The following FOXK1 variants were observed in gnomAD, a reference collection of about 807,000 sequenced individuals.
FOXK1 encodes forkhead box K1, also known as forkhead box protein K1.
A neutral mutation model predicts 51.9 loss-of-function variants in FOXK1; 19 were observed. The observed-to-expected ratio is 0.37, with a 90% CI of 0.26 to 0.54. The LOEUF is 0.54. Ranked by LOEUF, FOXK1 falls within the 20% of genes least tolerant of loss-of-function variation. The pLI is 0.87. For missense variants in FOXK1, 870 were observed against 1,032.7 expected, an observed-to-expected ratio of 0.84 and a Z score of 2.16; for synonymous variants, 537 against 482.6, an observed-to-expected ratio of 1.11 and a Z score of -1.48.
chr7:4,757,478 A>C (rs537600507), intron 5 of FOXK1, among the ~76,000 whole-genome samples: 17 of 151,744 alleles, frequency 1.1e-4, no homozygotes, highest in East Asian at 1.9e-4. Context: ...AAAAAATTCA[A>C]AATTAGTCGG....
At chr7:4,726,029 A>C (rs1250275217) in intron 1 of FOXK1, among the ~76,000 whole-genome samples, 1 of 132,764 alleles carries the variant, frequency 7.5e-6, no homozygotes, top group Admixed American at 7.5e-5. Flanking sequence ...TTTTTTTTTT[A>C]AGCAGCGAAG....
At chr7:4,702,373 C>T (rs575889852) in intron 1 of FOXK1, among the ~76,000 whole-genome samples, 1 of 152,152 alleles carries the variant, frequency 6.6e-6, no homozygotes, top group African/African-American at 2.4e-5. Context: ...GATAGAGTCT[C>T]ACTCTGTCGC....
chr7:4,765,005 A>G lies in FOXK1; in HGVS notation c.*2541A>G, dbSNP rs567408712. 6.6e-6 allele frequency: 1 copy of G among 152,570 alleles called. No homozygotes were observed. Among genetic ancestry groups the G allele is most frequent in the Non-Finnish European group, 1.5e-5 (1 of 68,240 alleles). 9.5% of individuals were successfully genotyped at this position (152,570 alleles called of 1,614,324 possible). On this transcript the variant is annotated 3_prime_UTR_variant, in exon 9 of 9. Transcript: ENST00000328914. Reference sequence around the variant, plus strand: ...TGGATGGAGCCGGGAGGTGGCGAGCACAGGACCCCGGGGCTGCATTCTGCC... The same window carrying G: ...TGGATGGAGCCGGGAGGTGGCGAGCGCAGGACCCCGGGGCTGCATTCTGCC...
chr7:4,687,321 C>G (rs1360324328), intron 1 of FOXK1, among the ~76,000 whole-genome samples: 1 of 151,764 alleles, frequency 6.6e-6, no homozygotes, highest in African/African-American at 2.4e-5. Flanking sequence ...GCAACGGAGT[C>G]TCACTCTGTT....
chr7:4,685,128 A>G (rs1423580127), intron 1 of FOXK1, among the ~76,000 whole-genome samples: 1 of 152,046 alleles, frequency 6.6e-6, no homozygotes, highest in Non-Finnish European at 1.5e-5. Flanking sequence ...CTATGTAGGC[A>G]GCAATGTAAA....
rs1001697401 is a variant in FOXK1 at position 4,762,759 on chromosome 7, G to A, written c.*295G>A. The A allele has an allele frequency of 2.5e-6, 1 of 404,574 alleles. No individual in the cohort carries two copies. Among genetic ancestry groups the A allele is most frequent in the Non-Finnish European group, 4.6e-6 (1 of 217,960 alleles). The allele number at this position is 404,574 out of a possible 1,614,324, so 25.1% of individuals were successfully genotyped here. A position where few individuals can be genotyped will look rare whatever the true frequency, so the allele number is the denominator to read the frequency against. On this transcript the variant is annotated 3_prime_UTR_variant, in exon 9 of 9. Transcript: ENST00000328914. The surrounding 1 kb of genome is among the most constrained non-coding windows in gnomAD (Gnocchi z 5.7). ...CTCCCCAGGCCTCCCTGTCGGGCATGGGGAGGAGGTTGGAGCTCAGCATCT... is the reference window on the plus strand; with the variant it reads ...CTCCCCAGGCCTCCCTGTCGGGCATAGGGAGGAGGTTGGAGCTCAGCATCT...
chr7:4,728,644 A>G (rs1472127050), intron 1 of FOXK1, among the ~76,000 whole-genome samples: 3 of 146,426 alleles, frequency 2.0e-5, no homozygotes, highest in African/African-American at 7.6e-5. Context: ...TACTTCTGGC[A>G]CTTTGGGAGG....
rs1279658957 is a variant in FOXK1, at chr7:4,747,633, T to C, written c.746+6610T>C. 3.9e-5 allele frequency among the ~76,000 whole-genome samples: 6 copies of C among 151,968 alleles called. No homozygotes were observed. The highest frequency in any genetic ancestry group is 5.9e-5 in the Non-Finnish European group (4 of 67,996). The stretch of plus-strand genomic sequence containing the variant: ...TCACTGCAACCTCAACCTCCCGGGC[T>C]CAAGCGATCCTCCCACTGCAGCCTC... On this transcript the variant is annotated intron_variant, in intron 2 of 8. Transcript: ENST00000328914. This position sits in a 1 kb window ranked among gnomAD's most constrained non-coding sequence, Gnocchi z 9.2.
Position 4,755,135 on chromosome 7 carries a change from A to G in FOXK1, c.904-102A>G. The G allele has an allele frequency of 1.4e-6, 2 of 1,463,594 alleles. No homozygotes were observed. 90.7% of individuals were successfully genotyped at this position (1,463,594 alleles called of 1,614,324 possible). ...TGGGACGGGTGCCGGCAAGACGCGC[A>G]CATTCTCGTGGGAAGGTTCCTCCCC... is the stretch of plus-strand genomic sequence containing the variant. On this transcript the variant is annotated intron_variant, in intron 3 of 8. Transcript: ENST00000328914. The surrounding 1 kb of genome is among the most constrained non-coding windows in gnomAD (Gnocchi z 6.6).
In FOXK1 at chr7:4,761,089, G is replaced by A. The variant is rs200211699; in HGVS notation, c.1722G>A (p.Ala574=). The change falls in exon 8 of 9, where the codon GCG becomes GCA. Residue 574 remains alanine (A), a synonymous_variant. Transcript: ENST00000328914. The surrounding 1 kb of genome is among the most constrained non-coding windows in gnomAD (Gnocchi z 6.2). Reference sequence around the variant, plus strand: ...GCCTGGAGGAGAAACCCACCATTGCGTTTGCCACAATCCCCGCGGCTGGTG... The same window carrying A: ...GCCTGGAGGAGAAACCCACCATTGCATTTGCCACAATCCCCGCGGCTGGTG... The part of the protein sequence containing the change: ...ARGLEEKPTI[A]FATIPAAGGV... 1.2e-4 allele frequency: 187 copies of A among 1,612,916 alleles called. No homozygotes were observed. Among genetic ancestry groups the A allele is most frequent in the Admixed American group, 5.0e-4 (30 of 59,998 alleles).
In FOXK1 at chr7:4,715,972, C is replaced by T. The variant is rs187625864; in HGVS notation, c.561-24866C>T. On this transcript the variant is annotated intron_variant, in intron 1 of 8. Transcript: ENST00000328914. The surrounding 1 kb of genome is among the most constrained non-coding windows in gnomAD (Gnocchi z 4.5). ...CTCAGTCAGGCGCAGTGGTTCACGC[C>T]TGTAATCCCAGCACTTTGGGAGGCC... Among the ~76,000 whole-genome samples the T allele has an allele frequency of 6.6e-6, 1 of 152,314 alleles. No individual in the cohort carries two copies. The highest frequency in any genetic ancestry group is 2.4e-5 in the African/African-American group (1 of 41,550).
intron 1 of FOXK1, among the ~76,000 whole-genome samples, chr7:4,713,560 C>G (rs929879527): frequency 6.8e-6 from 1 of 147,634 alleles, no homozygotes; most frequent in Non-Finnish European, 1.5e-5. Flanking sequence ...GGCGCGATCT[C>G]GGCTCACCAC....
chr7:4,761,252 G>C lies in FOXK1; in HGVS notation c.1885G>C (p.Ala629Pro). The C allele has an allele frequency of 6.2e-7, 1 of 1,613,052 alleles. No individual in the cohort carries two copies. Among genetic ancestry groups the C allele is most frequent in the Non-Finnish European group, 8.5e-7 (1 of 1,180,026 alleles). ...VRAVTQNGKH[A>P]VPTNSLAGNA... Reference sequence around the variant, plus strand: ...GGCCGTGACCCAGAACGGAAAGCATGCGGTTCCCACGAACAGTTTAGCCGG... The same window carrying C: ...GGCCGTGACCCAGAACGGAAAGCATCCGGTTCCCACGAACAGTTTAGCCGG... Residue 629 changes from alanine to proline, a missense_variant, in exon 8 of 9, where the codon GCG (alanine) becomes CCG (proline). Ala to Pro is a conservative substitution (Grantham distance 27). Transcript: ENST00000328914. This position sits in a 1 kb window ranked among gnomAD's most constrained non-coding sequence, Gnocchi z 6.2.
intron 1 of FOXK1, among the ~76,000 whole-genome samples, chr7:4,688,813 G>A (rs992151486): frequency 2.6e-5 from 4 of 151,914 alleles, no homozygotes; most frequent in East Asian, 1.9e-4. Context: ...TACTAGACCC[G>A]GGGATTCCAT....
rs1780121779 is a variant in FOXK1 at position 4,707,708 on chromosome 7, G to A, written c.560+24840G>A. On this transcript the variant is annotated intron_variant, in intron 1 of 8. Coordinates refer to ENST00000328914, the MANE Select transcript of FOXK1 (RefSeq NM_001037165.2). This position sits in a 1 kb window ranked among gnomAD's most constrained non-coding sequence, Gnocchi z 4.1. ...ATTTCACTTTTTTTTTTTTTGAGAC[G>A]GACTCTCTCTCCGTTGCCCAGGCTG... is the stretch of plus-strand genomic sequence containing the variant. Among the ~76,000 whole-genome samples the A allele has an allele frequency of 2.7e-5, 4 of 149,232 alleles. No homozygotes were observed. In the South Asian group the frequency reaches 6.3e-4, roughly 24 times the overall value.
In FOXK1 at chr7:4,759,061, G is replaced by A. The variant is rs1780894000; in HGVS notation, c.1255G>A (p.Ala419Thr). 1 of 1,599,430 alleles carries A rather than the reference G, an allele frequency of 6.3e-7. No individual in the cohort carries two copies. The highest frequency in any genetic ancestry group is 1.3e-5 in the African/African-American group (1 of 74,758). The change falls in exon 6 of 9, where the codon GCT becomes ACT. Residue 419 changes from alanine (A) to threonine (T), a missense_variant. Transcript: ENST00000328914. ...TTGCCTGTCTTCCAGGAGCGCTCCA[G>A]CTTCGCCCACACACCCCGGGCTGAT... Reference protein sequence around the residue: ...FGPLSSRSAPASPTHPGLMSP... With the variant: ...FGPLSSRSAPTSPTHPGLMSP...
intron 2 of FOXK1, among the ~76,000 whole-genome samples, chr7:4,742,370 G>T (rs1780646204): frequency 6.6e-6 from 1 of 152,118 alleles, no homozygotes; most frequent in South Asian, 2.1e-4. Context: ...CCGCACCTTG[G>T]CTTGCTTTTT....
chr7:4,725,387 A>T (rs6973046), intron 1 of FOXK1, among the ~76,000 whole-genome samples: 22 of 151,956 alleles, frequency 1.4e-4, no homozygotes, highest in East Asian at 3.9e-4. Flanking sequence ...ATGTCATCGG[A>T]TTTTTTTTCA....
intron 1 of FOXK1, among the ~76,000 whole-genome samples, chr7:4,705,174 A>G (rs1204411772): frequency 6.6e-6 from 1 of 151,734 alleles, no homozygotes; most frequent in African/African-American, 2.4e-5. Flanking sequence ...AATTTTTTAA[A>G]GTCAGAATTT....
Sources: gnomAD v4.1 joint callset for allele counts (sites outside exome capture counted in the v4.1 genomes callset) on GRCh38, gnomAD v4.1.1 for gene constraint, Gnocchi (gnomAD v3.1) non-coding constraint, MANE v1.5 for transcripts, NCBI Gene and HGNC (gene_info 2026-07-23, HGNC 2026-07-21) for gene names.